Variants in ENTREP2 observed in about 807,000 individuals in gnomAD.
The protein encoded by ENTREP2 is endosomal transmembrane epsin interactor 2.
chr15:29,137,103 A>G, the ENTREP2 span: 1 of 1,466,250 alleles, frequency 6.8e-7, no homozygotes, highest in Non-Finnish European at 9.0e-7. Flanking sequence ...GAGTGGGGGG[A>G]TGAACTCGTC....
chr15:29,648,276 A>G, the ENTREP2 span, among the ~76,000 whole-genome samples: 8 of 152,226 alleles, frequency 5.3e-5, no homozygotes, highest in Non-Finnish European at 7.3e-5. Context: ...GTGCCTTAAC[A>G]GTGGTTGCAA....
the ENTREP2 span, chr15:29,614,356 T>A: frequency 0.95 from 145,162 of 152,656 alleles, 69,058 homozygotes; most frequent in East Asian, 1. Flanking sequence ...CCATCACCTC[T>A]GGCATCTCAA....
chr15:29,219,666 A>ATATATATAT, the ENTREP2 span, among the ~76,000 whole-genome samples: 1 of 80,414 alleles, frequency 1.2e-5, no homozygotes, highest in Non-Finnish European at 2.6e-5. Flanking sequence ...TATATATATG[A>ATATATATAT]TGGAATACTA....
the ENTREP2 span, among the ~76,000 whole-genome samples, chr15:29,162,384 T>C: frequency 6.6e-6 from 1 of 152,160 alleles, no homozygotes; most frequent in African/African-American, 2.4e-5. Context: ...CCCTTTCTTT[T>C]GCAGCTGGGA....
the ENTREP2 span, among the ~76,000 whole-genome samples, chr15:29,582,080 T>C: frequency 6.6e-6 from 1 of 152,132 alleles, no homozygotes; most frequent in Non-Finnish European, 1.5e-5. Flanking sequence ...TAGCTGGGAT[T>C]ATAGGCGTGC....
the ENTREP2 span, among the ~76,000 whole-genome samples, chr15:29,672,323 C>G: frequency 1.3e-5 from 2 of 152,104 alleles, no homozygotes; most frequent in Non-Finnish European, 2.9e-5. Flanking sequence ...CCTATGGATC[C>G]CACAATGGCA....
the ENTREP2 span, among the ~76,000 whole-genome samples, chr15:29,558,373 A>G: frequency 6.6e-6 from 1 of 151,802 alleles, no homozygotes; most frequent in East Asian, 2.0e-4. Flanking sequence ...GTGATGCTAC[A>G]TGGACTTCCA....
the ENTREP2 span, among the ~76,000 whole-genome samples, chr15:29,434,181 C>A: frequency 6.6e-6 from 1 of 152,196 alleles, no homozygotes; most frequent in Non-Finnish European, 1.5e-5. Flanking sequence ...TTCCTGCAAT[C>A]TTTCAAAGGG....
the ENTREP2 span, among the ~76,000 whole-genome samples, chr15:29,337,927 A>C: frequency 6.6e-6 from 1 of 152,124 alleles, no homozygotes; most frequent in Non-Finnish European, 1.5e-5. Flanking sequence ...AGTTGTGTTG[A>C]CTTTTATCAA....
chr15:29,397,983 T>C, the ENTREP2 span, among the ~76,000 whole-genome samples: 84 of 151,982 alleles, frequency 5.5e-4, no homozygotes, highest in African/African-American at 1.9e-3. Context: ...GTATCAGGCA[T>C]TGTTGGACTC....
the ENTREP2 span, among the ~76,000 whole-genome samples, chr15:29,377,655 C>T: frequency 2.0e-5 from 3 of 151,792 alleles, no homozygotes; most frequent in Non-Finnish European, 4.4e-5. Context: ...AACCCTGTCT[C>T]TACTGAAAAT....
the ENTREP2 span, among the ~76,000 whole-genome samples, chr15:29,458,988 C>T: frequency 6.6e-6 from 1 of 152,130 alleles, no homozygotes; most frequent in East Asian, 1.9e-4. Flanking sequence ...TGTTCCCAGG[C>T]GCAGAGCAAG....
chr15:29,313,515 C>A, the ENTREP2 span, among the ~76,000 whole-genome samples: 31,897 of 152,086 alleles, frequency 0.21, 6,168 homozygotes, highest in African/African-American at 0.52. Context: ...TGCACTAGAA[C>A]TAGCCCAACA....
the ENTREP2 span, among the ~76,000 whole-genome samples, chr15:29,131,218 T>C: frequency 2.7e-5 from 4 of 145,718 alleles, no homozygotes; most frequent in East Asian, 1.9e-4. Context: ...AAAATGTGAG[T>C]TAAAATTTTA....
At chr15:29,651,332 G>A in the ENTREP2 span, among the ~76,000 whole-genome samples, 9 of 152,132 alleles carry the variant, frequency 5.9e-5, no homozygotes, top group African/African-American at 2.2e-4. Flanking sequence ...TAGATATTAG[G>A]TATTCTGGAA....
the ENTREP2 span, among the ~76,000 whole-genome samples, chr15:29,119,176 A>G: frequency 6.6e-6 from 1 of 152,226 alleles, no homozygotes; most frequent in Non-Finnish European, 1.5e-5. Flanking sequence ...GAAAGTATAC[A>G]TGGTAGAGGC....
At chr15:29,527,253 A>G in the ENTREP2 span, among the ~76,000 whole-genome samples, 1 of 152,094 alleles carries the variant, frequency 6.6e-6, no homozygotes, top group African/African-American at 2.4e-5. Context: ...GCTCTGTTTC[A>G]TCGGCCCAAC....
the ENTREP2 span, chr15:29,268,942 T>C: frequency 3.1e-6 from 5 of 1,614,174 alleles, no homozygotes; most frequent in South Asian, 3.3e-5. Flanking sequence ...GGTTTCCAGG[T>C]TGGTTCGCGG....
chr15:29,489,736 C>T, the ENTREP2 span, among the ~76,000 whole-genome samples: 2 of 152,206 alleles, frequency 1.3e-5, no homozygotes, highest in Admixed American at 1.3e-4. Flanking sequence ...TAACAGCACT[C>T]TAGGTGAACA....
Sources: allele counts gnomAD v4.1 joint callset (sites outside exome capture counted in the v4.1 genomes callset), GRCh38; gene constraint gnomAD v4.1.1; transcripts MANE v1.5; gene names NCBI Gene and HGNC (gene_info 2026-07-23, HGNC 2026-07-21).